FUT8: variants seen among roughly 807,000 people sequenced by gnomAD.
FUT8 encodes the protein fucosyltransferase 8, also known as alpha-(1,6)-fucosyltransferase.
FUT8 carries 29 observed loss-of-function variants against 71.3 expected under a neutral mutation model. The observed-to-expected ratio is 0.41, with a 90% CI of 0.30 to 0.55. FUT8 has a LOEUF of 0.55. FUT8 is among the 20% of genes least tolerant of loss of function. The pLI is 0.34. For synonymous variants in FUT8, 254 were observed against 239.3 expected (o/e 1.06, Z -0.57); for missense variants, 544 against 702.1 (o/e 0.77, Z 2.55).
upstream of FUT8, chr14:65,411,636 T>C (rs2065124551): frequency 5.5e-6 from 1 of 181,448 alleles, no homozygotes; most frequent in Admixed American, 5.4e-5. Flanking sequence ...GGGATAAGTA[T>C]CCCCGGTATG....
At chr14:65,422,358 G>A (rs185531605) in intron 1 of FUT8, among the ~76,000 whole-genome samples, 1 of 152,274 alleles carries the variant, frequency 6.6e-6, no homozygotes, top group African/African-American at 2.4e-5. Flanking sequence ...CCAAACAGTA[G>A]AGTTAGCCCA....
At chr14:65,408,825 A>C (rs2065097286), upstream of FUT8, among the ~76,000 whole-genome samples, 1 of 152,222 alleles carries the variant, frequency 6.6e-6, no homozygotes, top group Non-Finnish European at 1.5e-5. Flanking sequence ...AGCTGGCTCA[A>C]AAGTGACTTA....
chr14:65,492,589 G>A (rs551416136), intron 2 of FUT8, among the ~76,000 whole-genome samples: 5 of 152,238 alleles, frequency 3.3e-5, no homozygotes, highest in Admixed American at 1.3e-4. Context: ...GCTTAGGAGC[G>A]TGCCTGATTT....
the FUT8 span, among the ~76,000 whole-genome samples, chr14:65,363,766 A>G: frequency 6.6e-6 from 1 of 151,274 alleles, no homozygotes; most frequent in Non-Finnish European, 1.5e-5. Context: ...ACCACTCCCC[A>G]CTCTTCATCA....
intron 7 of FUT8, among the ~76,000 whole-genome samples, chr14:65,709,601 C>G (rs1894718595): frequency 6.6e-6 from 1 of 152,122 alleles, no homozygotes; most frequent in Admixed American, 6.5e-5. Context: ...AGAGTTTCCA[C>G]ATGAGAGTCA....
intron 3 of FUT8, among the ~76,000 whole-genome samples, chr14:65,577,115 G>A (rs1886832696): frequency 6.6e-6 from 1 of 152,026 alleles, no homozygotes; most frequent in African/African-American, 2.4e-5. Flanking sequence ...CTTCCAAAGT[G>A]CTGGGATTAC....
upstream of FUT8, chr14:65,412,123 C>T (rs749576845): frequency 1.5e-5 from 7 of 454,804 alleles, no homozygotes; most frequent in Non-Finnish European, 3.1e-5. Context: ...CGAACTCAGG[C>T]CCTCGTGGGG....
chr14:65,531,212 CG>C (rs1883935650), intron 2 of FUT8, among the ~76,000 whole-genome samples: 1 of 151,618 alleles, frequency 6.6e-6, no homozygotes, highest in Admixed American at 6.6e-5. Flanking sequence ...GAGGTACTCA[CG>C]AAAGATTTAA....
At chr14:65,633,810 G>C (rs1475618120) in intron 6 of FUT8, among the ~76,000 whole-genome samples, 1 of 152,038 alleles carries the variant, frequency 6.6e-6, no homozygotes, top group African/African-American at 2.4e-5. Flanking sequence ...GAAGTGAGGA[G>C]CGTCTCCGCC....
chr14:65,724,441 A>G (rs1443232095), intron 9 of FUT8, 118 bp downstream of exon 9: 1 of 639,362 alleles, frequency 1.6e-6, no homozygotes, highest in East Asian at 2.9e-5. Flanking sequence ...TAGGGTTTTA[A>G]AAATTCAATG....
rs73282302 is a variant in FUT8, at chr14:65,438,378, G to C, written c.-325-17243G>C. 9.3e-3 allele frequency among the ~76,000 whole-genome samples: 1,416 copies of C among 152,174 alleles called. 22 individuals carry two copies. Among genetic ancestry groups the C allele is most frequent in the African/African-American group, 0.033 (1,354 of 41,508 alleles). ...AAGAACAAATTTCTGAAGTTCTCTT[G>C]TAGCAAGTTACTACCTTGTGACTAA... On this transcript the variant is annotated intron_variant, in intron 1 of 10. Transcript: ENST00000673929.
At position 65,483,690 on chromosome 14, in the gene FUT8, A is replaced by G. The variant is rs1162164184; in HGVS notation, c.-228+27972A>G. On this transcript the variant is annotated intron_variant, in intron 2 of 10. Transcript: ENST00000673929. This position sits in a 1 kb window ranked among gnomAD's most constrained non-coding sequence, Gnocchi z 4.4. Reference sequence around the variant, plus strand: ...ATCTTTAAGTATTTTATATTTTTTGATGCTTTTATAAATATTTAAATAACA... The same window carrying G: ...ATCTTTAAGTATTTTATATTTTTTGGTGCTTTTATAAATATTTAAATAACA... Among the ~76,000 whole-genome samples the G allele has an allele frequency of 6.6e-6, 1 of 151,658 alleles. No individual in the cohort carries two copies. The highest frequency in any genetic ancestry group is 1.5e-5 in the Non-Finnish European group (1 of 67,902).
chr14:65,737,305 C>G (rs974058226), intron 10 of FUT8, among the ~76,000 whole-genome samples: 3 of 151,974 alleles, frequency 2.0e-5, no homozygotes, highest in African/African-American at 7.2e-5. Flanking sequence ...TCCTAAAAGC[C>G]TCATAAATTG....
chr14:65,650,715 AAAAAAAAAAAAAAAC>A (rs1460359664), intron 6 of FUT8, among the ~76,000 whole-genome samples: 12 of 150,536 alleles, frequency 8.0e-5, no homozygotes, highest in African/African-American at 2.9e-4. Context: ...TACAAAAAAA[AAAAAAAAAAAAAAAC>A]AAAAAAAACC....
chr14:65,627,454 C>T lies in FUT8; in HGVS notation c.483-2038C>T, dbSNP rs559106934. 1.2e-4 allele frequency among the ~76,000 whole-genome samples: 18 copies of T among 152,316 alleles called. No homozygotes were observed. Among genetic ancestry groups the T allele is most frequent in the African/African-American group, 3.6e-4 (15 of 41,576 alleles). ...TAAAGTACACTTGTAAGAGGCCAAG[C>T]GGGCGACTTGAGAGGGTCAAGTGTG... is the stretch of plus-strand genomic sequence containing the variant. On this transcript the variant is annotated intron_variant, in intron 5 of 10. Coordinates refer to ENST00000673929, the MANE Select transcript of FUT8 (RefSeq NM_001371533.1). The surrounding 1 kb of genome is among the most constrained non-coding windows in gnomAD (Gnocchi z 4.0).
At chr14:65,671,604 A>T (rs577256573) in intron 7 of FUT8, among the ~76,000 whole-genome samples, 3 of 152,324 alleles carry the variant, frequency 2.0e-5, no homozygotes, top group African/African-American at 7.2e-5. Context: ...AGAATAATCT[A>T]CCATCATTAC....
At chr14:65,357,503 AC>A in the FUT8 span, among the ~76,000 whole-genome samples, 1 of 152,152 alleles carries the variant, frequency 6.6e-6, no homozygotes, top group African/African-American at 2.4e-5. Context: ...AGCAGACCCT[AC>A]CCTTAGGTGG....
the FUT8 span, among the ~76,000 whole-genome samples, chr14:65,363,553 G>A: frequency 1.2e-3 from 189 of 152,278 alleles, no homozygotes; most frequent in African/African-American, 3.5e-3. Flanking sequence ...CACTGCGCCC[G>A]GCCAGGAAGG....
intron 2 of FUT8, among the ~76,000 whole-genome samples, chr14:65,543,203 T>G (rs1420862586): frequency 1.3e-5 from 2 of 152,236 alleles, no homozygotes; most frequent in Non-Finnish European, 2.9e-5. Flanking sequence ...CGAAATTACA[T>G]TTGGACCTAT....
Sources: allele counts gnomAD v4.1 joint callset (sites outside exome capture counted in the v4.1 genomes callset), GRCh38; gene constraint gnomAD v4.1.1; non-coding constraint Gnocchi (gnomAD v3.1); transcripts MANE v1.5; gene names NCBI Gene and HGNC (gene_info 2026-07-23, HGNC 2026-07-21).